The following RBPJ variants were observed in gnomAD, a reference collection of about 807,000 sequenced individuals.
RBPJ encodes the protein recombination signal binding protein for immunoglobulin kappa J region.
In RBPJ, 9 loss-of-function variants were observed where a neutral mutation model predicts 67.8. The observed-to-expected ratio is 0.13, with a 90% CI of 0.08 to 0.23. The LOEUF (loss-of-function observed/expected upper bound fraction) is 0.23, where lower values mean the gene tolerates loss of function less well. Among genes scored for constraint, RBPJ ranks in the 10% least tolerant of loss-of-function variants. The probability of loss-of-function intolerance (pLI) is 1.00; values close to 1 mark genes in which losing one functional copy is unlikely to be tolerated. For synonymous variants in RBPJ, 198 were observed against 203.3 expected, an observed-to-expected ratio of 0.97 and a Z score of 0.22; for missense variants, 305 against 595.6, an observed-to-expected ratio of 0.51 and a Z score of 5.08.
At chr4:26,429,773 A>G in intron 8 of RBPJ, 125 bp from the exon 9 acceptor site, 1 of 766,146 alleles carries the variant, frequency 1.3e-6, no homozygotes, top group Non-Finnish European at 2.1e-6. Context: ...TACTTTAGAA[A>G]GTTTATAAGT....
chr4:26,239,387 A>G (rs879326584), intron 1 of RBPJ, among the ~76,000 whole-genome samples: 1 of 152,238 alleles, frequency 6.6e-6, no homozygotes, highest in Admixed American at 6.5e-5. Flanking sequence ...AAACAGTGAC[A>G]TAAAGAAAGC....
intron 1 of RBPJ, among the ~76,000 whole-genome samples, chr4:26,247,238 T>C (rs1719957742): frequency 6.6e-6 from 1 of 152,124 alleles, no homozygotes; most frequent in South Asian, 2.1e-4. Flanking sequence ...CTGGATTTAA[T>C]AACACTTTTA....
the RBPJ span, among the ~76,000 whole-genome samples, chr4:26,143,771 T>C: frequency 1.3e-4 from 19 of 151,796 alleles, no homozygotes; most frequent in Non-Finnish European, 1.8e-4. Context: ...TACAAAAAAA[T>C]AGGAAAATTA....
the RBPJ span, among the ~76,000 whole-genome samples, chr4:26,127,797 G>A: frequency 6.6e-6 from 1 of 152,204 alleles, no homozygotes; most frequent in Non-Finnish European, 1.5e-5. Flanking sequence ...ACAGAGACAT[G>A]AGATAAATCA....
intron 1 of RBPJ, among the ~76,000 whole-genome samples, chr4:26,211,214 G>A (rs1256891571): frequency 6.6e-6 from 1 of 152,116 alleles, no homozygotes; most frequent in African/African-American, 2.4e-5. Context: ...ATGTGTAGTA[G>A]CACTTTTCTG....
chr4:26,382,789 C>T (rs1730457446), intron 1 of RBPJ, among the ~76,000 whole-genome samples: 1 of 152,216 alleles, frequency 6.6e-6, no homozygotes, highest in Non-Finnish European at 1.5e-5. Context: ...AGTCCACCCA[C>T]CTTGGCCTCC....
intron 2 of RBPJ, 30 bp downstream of exon 2, chr4:26,386,421 C>T (rs1227604115): frequency 2.1e-6 from 3 of 1,463,336 alleles, no homozygotes; most frequent in Non-Finnish European, 2.8e-6. Flanking sequence ...GCTTTTTACA[C>T]ATACATTTTA....
chr4:26,378,918 C>T (rs1384506082), intron 1 of RBPJ, among the ~76,000 whole-genome samples: 1 of 151,888 alleles, frequency 6.6e-6, no homozygotes, highest in Non-Finnish European at 1.5e-5. Flanking sequence ...CCCAGCTACT[C>T]GAGAGGCTGA....
At chr4:26,327,509 A>C (rs1723752062) in intron 1 of RBPJ, among the ~76,000 whole-genome samples, 1 of 151,472 alleles carries the variant, frequency 6.6e-6, no homozygotes, top group African/African-American at 2.4e-5. Context: ...GATGTGAAGC[A>C]GAATACACTA....
intron 1 of RBPJ, among the ~76,000 whole-genome samples, chr4:26,356,292 T>C (rs1727367646): frequency 6.6e-6 from 1 of 152,204 alleles, no homozygotes; most frequent in Non-Finnish European, 1.5e-5. Context: ...AGGCTGCACA[T>C]GCACTTGGGC....
chr4:26,154,064 C>T, the RBPJ span, among the ~76,000 whole-genome samples: 1 of 152,326 alleles, frequency 6.6e-6, no homozygotes, highest in East Asian at 1.9e-4. Context: ...ACTCCTTCCC[C>T]AATTAAGAAC....
chr4:26,425,649 C>A (rs542821878), intron 7 of RBPJ, among the ~76,000 whole-genome samples: 1 of 152,150 alleles, frequency 6.6e-6, no homozygotes, highest in African/African-American at 2.4e-5. Context: ...GTAAAAACTA[C>A]TTTTGTTAGT....
chr4:26,157,588 T>G, the RBPJ span, among the ~76,000 whole-genome samples: 11 of 152,260 alleles, frequency 7.2e-5, no homozygotes, highest in African/African-American at 1.9e-4. Flanking sequence ...AGTATAAGGT[T>G]GTTTGGATTG....
chr4:26,130,690 GA>G, the RBPJ span, among the ~76,000 whole-genome samples: 3 of 152,066 alleles, frequency 2.0e-5, no homozygotes, highest in East Asian at 3.8e-4. Flanking sequence ...TCTATGAGAA[GA>G]AAAAAATTCT....
At chr4:26,236,585 G>A (rs1719460370) in intron 1 of RBPJ, among the ~76,000 whole-genome samples, 1 of 152,098 alleles carries the variant, frequency 6.6e-6, no homozygotes. Context: ...GAGTGTCTTG[G>A]CAAAATGGCA....
At chr4:26,310,006 T>G (rs1722378217) in intron 1 of RBPJ, among the ~76,000 whole-genome samples, 1 of 152,262 alleles carries the variant, frequency 6.6e-6, no homozygotes, top group African/African-American at 2.4e-5. Flanking sequence ...CCATTCATTT[T>G]CTTGCTTTAC....
chr4:26,349,070 G>GTT (rs1423958903), intron 1 of RBPJ, among the ~76,000 whole-genome samples: 3 of 143,232 alleles, frequency 2.1e-5, no homozygotes, highest in Non-Finnish European at 4.5e-5. Flanking sequence ...ATCATCACAA[G>GTT]TTTGTGTGTG....
intron 1 of RBPJ, among the ~76,000 whole-genome samples, chr4:26,244,313 G>GTC (rs1456101621): frequency 6.7e-5 from 9 of 133,884 alleles, no homozygotes; most frequent in African/African-American, 2.8e-4. Context: ...ACACATATGT[G>GTC]TGTATATGTA....
the RBPJ span, among the ~76,000 whole-genome samples, chr4:26,114,257 G>A: frequency 6.6e-6 from 1 of 152,052 alleles, no homozygotes; most frequent in East Asian, 1.9e-4. Flanking sequence ...TCAGGAGTTC[G>A]AGACCAGCCT....
Sources: gnomAD v4.1 joint callset for allele counts (sites outside exome capture counted in the v4.1 genomes callset) on GRCh38, gnomAD v4.1.1 for gene constraint, MANE v1.5 for transcripts, NCBI Gene and HGNC (gene_info 2026-07-23, HGNC 2026-07-21) for gene names.